The following TMEM178B variants were observed in gnomAD, a reference collection of about 807,000 sequenced individuals.
The protein encoded by TMEM178B is transmembrane protein 178B.
In TMEM178B, 5 loss-of-function variants were observed where a neutral mutation model predicts 31.0. The observed-to-expected ratio is 0.16, with a 90% CI of 0.08 to 0.34. The LOEUF (loss-of-function observed/expected upper bound fraction) is 0.34, where lower values mean the gene tolerates loss of function less well. TMEM178B is among the 10% of genes least tolerant of loss of function. The pLI is 1.00. For missense variants in TMEM178B, 275 were observed against 400.3 expected (o/e 0.69, Z 2.67); for synonymous variants, 164 against 164.0 (o/e 1.00, Z 0.00).
At chr7:141,232,360 T>G (rs919345914) in intron 2 of TMEM178B, among the ~76,000 whole-genome samples, 2 of 152,204 alleles carry the variant, frequency 1.3e-5, no homozygotes, top group African/African-American at 2.4e-5. Context: ...GTATTTCTGG[T>G]TCTAGGTCTT....
intron 2 of TMEM178B, among the ~76,000 whole-genome samples, chr7:141,283,992 C>T (rs1006929289): frequency 2.0e-5 from 3 of 152,160 alleles, no homozygotes; most frequent in Admixed American, 2.0e-4. Context: ...TTGAGCTGAA[C>T]CCGACCTCCT....
intron 1 of TMEM178B, among the ~76,000 whole-genome samples, chr7:141,091,594 G>T (rs1335623663): frequency 6.6e-6 from 1 of 152,132 alleles, no homozygotes; most frequent in Admixed American, 6.5e-5. Context: ...GACCATAATG[G>T]CTTCTTCATA....
intron 1 of TMEM178B, among the ~76,000 whole-genome samples, chr7:141,111,054 T>C (rs1305020709): frequency 6.6e-6 from 1 of 152,212 alleles, no homozygotes; most frequent in Non-Finnish European, 1.5e-5. Flanking sequence ...TCTTTTGTTA[T>C]GCCAGTGTAT....
intron 2 of TMEM178B, among the ~76,000 whole-genome samples, chr7:141,288,483 G>GAA (rs534250227): frequency 2.0e-4 from 24 of 117,668 alleles, no homozygotes; most frequent in African/African-American, 3.7e-4. Context: ...GGAAAAAAAT[G>GAA]AAAAAAAAAA....
At chr7:141,409,963 T>C (rs1203962281) in intron 2 of TMEM178B, among the ~76,000 whole-genome samples, 1 of 152,170 alleles carries the variant, frequency 6.6e-6, no homozygotes, top group Non-Finnish European at 1.5e-5. Context: ...GGGTGACATA[T>C]GTATCTTGGA....
chr7:141,251,927 G>A (rs73737730), intron 2 of TMEM178B, among the ~76,000 whole-genome samples: 260 of 152,210 alleles, frequency 1.7e-3, no homozygotes, highest in African/African-American at 6.0e-3. Context: ...AATGTCATTC[G>A]ACTTGATGTT....
intron 2 of TMEM178B, among the ~76,000 whole-genome samples, chr7:141,360,491 T>A (rs1427895526): frequency 6.6e-6 from 1 of 152,236 alleles, no homozygotes; most frequent in African/African-American, 2.4e-5. Flanking sequence ...TAAGCCTTTT[T>A]TCCTCGCTCA....
intron 1 of TMEM178B, among the ~76,000 whole-genome samples, chr7:141,172,575 G>A (rs1415681462): frequency 3.3e-5 from 5 of 152,154 alleles, no homozygotes; most frequent in Non-Finnish European, 2.9e-5. Context: ...GAGCAGGCTC[G>A]GTTTCAGAGC....
chr7:141,362,152 CA>C (rs1279757585), intron 2 of TMEM178B, among the ~76,000 whole-genome samples: 1 of 152,244 alleles, frequency 6.6e-6, no homozygotes, highest in East Asian at 1.9e-4. Flanking sequence ...CTGGAGGTCA[CA>C]ATTAGTGCTT....
At chr7:141,182,821 G>A (rs922630464) in intron 1 of TMEM178B, among the ~76,000 whole-genome samples, 1 of 152,198 alleles carries the variant, frequency 6.6e-6, no homozygotes, top group Non-Finnish European at 1.5e-5. Flanking sequence ...CCTGAGCCAC[G>A]TAAGATGTGC....
chr7:141,244,123 T>G (rs1240023230), intron 2 of TMEM178B, among the ~76,000 whole-genome samples: 3 of 152,240 alleles, frequency 2.0e-5, no homozygotes, highest in African/African-American at 7.2e-5. Context: ...CACCAGGTCC[T>G]GAGATAAGCA....
At chr7:141,102,186 G>C (rs572888395) in intron 1 of TMEM178B, among the ~76,000 whole-genome samples, 5 of 152,202 alleles carry the variant, frequency 3.3e-5, no homozygotes, top group South Asian at 4.1e-4. Context: ...ACTATTAAAG[G>C]GTTCAGCCAA....
chr7:141,154,033 ACCT>A (rs1796025066), intron 1 of TMEM178B, among the ~76,000 whole-genome samples: 1 of 152,202 alleles, frequency 6.6e-6, no homozygotes, highest in Non-Finnish European at 1.5e-5. Context: ...GCTGTTCTGT[ACCT>A]GACACTTTCT....
intron 2 of TMEM178B, among the ~76,000 whole-genome samples, chr7:141,320,386 G>C (rs185206335): frequency 1.8e-3 from 276 of 152,242 alleles, no homozygotes; most frequent in African/African-American, 5.9e-3. Flanking sequence ...AACTCCACCA[G>C]GCATGCATAT....
At chr7:141,100,159 T>C (rs1795031000) in intron 1 of TMEM178B, among the ~76,000 whole-genome samples, 2 of 151,882 alleles carry the variant, frequency 1.3e-5, no homozygotes, top group South Asian at 4.1e-4. Context: ...CCTAATCACC[T>C]GGGCAGTTTT....
chr7:141,343,048 G>A (rs1446682814), intron 2 of TMEM178B, among the ~76,000 whole-genome samples: 1 of 152,168 alleles, frequency 6.6e-6, no homozygotes, highest in Non-Finnish European at 1.5e-5. Flanking sequence ...CACCCCCAGG[G>A]TTTCTGATTC....
rs11442055 is a variant in TMEM178B, at chr7:141,343,525, C to CTTTT, written c.497-94062_497-94059dup. Reference sequence around the variant, plus strand: ...ATAGCCACAGCTGTGATGGGAGCACCTTTTTTTTTTTTTTTTTTTTTTTTG... The same window carrying CTTTT: ...ATAGCCACAGCTGTGATGGGAGCACCTTTTTTTTTTTTTTTTTTTTTTTTTTTTG... On this transcript the variant is annotated intron_variant, in intron 2 of 3. Coordinates refer to ENST00000565468, the MANE Select transcript of TMEM178B (RefSeq NM_001195278.2). 7.9e-3 allele frequency among the ~76,000 whole-genome samples: 684 copies of CTTTT among 86,924 alleles called. 4 individuals are homozygous for CTTTT. The highest frequency in any genetic ancestry group is 9.0e-3 in the Non-Finnish European group (436 of 48,278). The allele number at this position is 86,924 out of a possible 152,430, so 57.0% of individuals were successfully genotyped here. A position where few individuals can be genotyped will look rare whatever the true frequency, so the allele number is the denominator to read the frequency against.
At chr7:141,293,039 A>C (rs1798573622) in intron 2 of TMEM178B, among the ~76,000 whole-genome samples, 1 of 152,184 alleles carries the variant, frequency 6.6e-6, no homozygotes, top group South Asian at 2.1e-4. Context: ...CTGTGAAATA[A>C]AAATGTTACA....
chr7:141,215,316 T>TTTATTATTATTATTA (rs1021886023), intron 2 of TMEM178B, among the ~76,000 whole-genome samples: 8 of 144,180 alleles, frequency 5.5e-5, no homozygotes, highest in South Asian at 2.2e-4. Flanking sequence ...GGTTATCATC[T>TTTATTATTATTATTA]TTATTATTAT....
Sources: gnomAD v4.1 joint callset for allele counts (sites outside exome capture counted in the v4.1 genomes callset) on GRCh38, gnomAD v4.1.1 for gene constraint, MANE v1.5 for transcripts, NCBI Gene and HGNC (gene_info 2026-07-23, HGNC 2026-07-21) for gene names.